CEMIP: variants seen among roughly 807,000 people sequenced by gnomAD.
CEMIP encodes cell migration inducing hyaluronidase 1, also known as cell migration-inducing and hyaluronan-binding protein.
A neutral mutation model predicts 156.9 loss-of-function variants in CEMIP; 105 were observed. That is an observed-to-expected ratio of 0.67 (90% CI 0.57 to 0.79). CEMIP has a LOEUF of 0.79. Ranked by LOEUF, CEMIP falls within the 30% of genes least tolerant of loss-of-function variation. CEMIP has a pLI of 0.00. For synonymous variants in CEMIP, 676 were observed against 668.4 expected (o/e 1.01, Z -0.17); for missense variants, 1,457 against 1,769.4 (o/e 0.82, Z 3.17).
intron 1 of CEMIP, among the ~76,000 whole-genome samples, chr15:80,800,388 G>C (rs1019976501): frequency 1.3e-5 from 2 of 152,170 alleles, no homozygotes; most frequent in African/African-American, 4.8e-5. Context: ...GGATCTGACA[G>C]AGTCAATGAC....
chr15:80,820,400 A>G (rs1896882974), intron 1 of CEMIP, among the ~76,000 whole-genome samples: 1 of 152,208 alleles, frequency 6.6e-6, no homozygotes, highest in Non-Finnish European at 1.5e-5. Flanking sequence ...TTATATTCAT[A>G]GATGCGTATG....
chr15:80,813,618 T>C (rs1458079097), intron 1 of CEMIP, among the ~76,000 whole-genome samples: 1 of 151,988 alleles, frequency 6.6e-6, no homozygotes, highest in South Asian at 2.1e-4. Context: ...AATGCTGGGA[T>C]TACAGGTGTG....
At chr15:80,872,137 GA>G (rs1412983142) in intron 1 of CEMIP, among the ~76,000 whole-genome samples, 95 of 152,328 alleles carry the variant, frequency 6.2e-4, no homozygotes, top group African/African-American at 2.2e-3. Flanking sequence ...ACTTTGAACC[GA>G]AAGGTCAGGG....
chr15:80,938,218 A>C (rs1439375050), intron 25 of CEMIP: 2 of 492,388 alleles, frequency 4.1e-6, no homozygotes, highest in East Asian at 3.7e-5. Context: ...GGGAATTTAC[A>C]TATTTCAGAA....
intron 1 of CEMIP, among the ~76,000 whole-genome samples, chr15:80,846,019 T>A (rs907122447): frequency 1.2e-4 from 18 of 152,082 alleles, no homozygotes; most frequent in Admixed American, 5.2e-4. Flanking sequence ...ACCCTCAACA[T>A]CACTTCCAGG....
chr15:80,906,712 G>A lies in CEMIP; in HGVS notation c.1461G>A (p.Met487Ile). The stretch of plus-strand genomic sequence containing the variant: ...GGGAGGAGATAGACGGCGTGGACAT[G>A]CGGGCGGAGGTTGGGCTTCTGAGCC... Reference protein sequence around the residue: ...HIGEEIDGVDMRAEVGLLSRN... With the variant: ...HIGEEIDGVDIRAEVGLLSRN... The change falls in exon 13 of 30, where the codon ATG becomes ATA. Residue 487 changes from methionine (M) to isoleucine (I), a missense_variant. Around this residue, in one of 5 missense-constraint regions of CEMIP, gnomAD observed 280 missense variants for 300.3 expected, o/e 0.93. Coordinates refer to ENST00000394685, the MANE Select transcript of CEMIP (RefSeq NM_001293298.2). This position sits in a 1 kb window ranked among gnomAD's most constrained non-coding sequence, Gnocchi z 4.3. 6.2e-7 allele frequency: 1 copy of A among 1,614,212 alleles called. No homozygotes were observed. The highest frequency in any genetic ancestry group is 8.5e-7 in the Non-Finnish European group (1 of 1,180,040).
At chr15:80,873,213 T>TA (rs1379018881) in intron 1 of CEMIP, among the ~76,000 whole-genome samples, 1 of 152,222 alleles carries the variant, frequency 6.6e-6, no homozygotes, top group African/African-American at 2.4e-5. Flanking sequence ...GGGATTCTGT[T>TA]ACCGAGGAAG....
chr15:80,810,803 ACCATCCAT>A (rs59025609), intron 1 of CEMIP, among the ~76,000 whole-genome samples: 22,527 of 149,304 alleles, frequency 0.15, 2,577 homozygotes, highest in African/African-American at 0.32. Context: ...TATCCATTCA[ACCATCCAT>A]CCATCCATCC....
At chr15:80,924,504 T>G in intron 17 of CEMIP, 117 bp from the exon 18 acceptor site, 4 of 859,364 alleles carry the variant, frequency 4.7e-6, no homozygotes, top group Non-Finnish European at 7.8e-6. Flanking sequence ...TGATGCAGCC[T>G]GAGAACAGAG....
At chr15:80,877,624 G>C (rs534967485) in intron 3 of CEMIP, among the ~76,000 whole-genome samples, 4 of 152,174 alleles carry the variant, frequency 2.6e-5, no homozygotes, top group Non-Finnish European at 5.9e-5. Context: ...GATGGAGATT[G>C]TTCCAGTTTC....
chr15:80,943,093 T>C lies in CEMIP; in HGVS notation c.3848T>C (p.Ile1283Thr), dbSNP rs748872397. Residue 1283 changes from isoleucine to threonine, a missense_variant, in exon 28 of 30, where the codon ATC (isoleucine) becomes ACC (threonine). Ile to Thr is a moderately conservative substitution (Grantham distance 89). Transcript: ENST00000394685. ...CAGCTTTTCAACTATGTGGCGACCA[T>C]CCCTGACAAGTGAGTCTGTACCTCT... ...PWQLFNYVAT[I>T]PDNSIVLMAS... The C allele has an allele frequency of 9.9e-6, 16 of 1,614,208 alleles. No individual in the cohort carries two copies. Among genetic ancestry groups the C allele is most frequent in the Non-Finnish European group, 1.4e-5 (16 of 1,180,030 alleles).
At chr15:80,783,724 G>A (rs908040115) in intron 1 of CEMIP, among the ~76,000 whole-genome samples, 3 of 152,170 alleles carry the variant, frequency 2.0e-5, no homozygotes, top group African/African-American at 7.2e-5. Flanking sequence ...ACTTTCTTCA[G>A]GGGCCATCTT....
chr15:80,815,593 CTCCT>C (rs1896773035), intron 1 of CEMIP, among the ~76,000 whole-genome samples: 1 of 150,688 alleles, frequency 6.6e-6, no homozygotes, highest in Non-Finnish European at 1.5e-5. Flanking sequence ...CCTTCCTTTC[CTCCT>C]TCCTTCCCTC....
intron 1 of CEMIP, among the ~76,000 whole-genome samples, chr15:80,825,865 C>T (rs984968508): frequency 6.6e-6 from 1 of 152,162 alleles, no homozygotes; most frequent in Non-Finnish European, 1.5e-5. Flanking sequence ...GTCCTCTGAC[C>T]ATCACAGACT....
chr15:80,806,445 G>GA (rs1190414484), intron 1 of CEMIP, among the ~76,000 whole-genome samples: 1 of 152,168 alleles, frequency 6.6e-6, no homozygotes, highest in Non-Finnish European at 1.5e-5. Context: ...GCTCATAGAA[G>GA]AAAAAGGTCT....
chr15:80,906,643 G>C lies in CEMIP; in HGVS notation c.1412-20G>C. 1 of 1,605,438 alleles carries C rather than the reference G, an allele frequency of 6.2e-7. No homozygotes were observed. Among genetic ancestry groups the C allele is most frequent in the African/African-American group, 1.3e-5 (1 of 74,902 alleles). On this transcript the variant is annotated intron_variant, in intron 12 of 29. Transcript: ENST00000394685. This position sits in a 1 kb window ranked among gnomAD's most constrained non-coding sequence, Gnocchi z 4.3. ...CATGCAGTACCTGCTGTTGTTTACC[G>C]TCCTCCCTTTCTGCCCTAGGGAAAC...
At chr15:80,814,307 C>T (rs1451661650) in intron 1 of CEMIP, among the ~76,000 whole-genome samples, 7 of 152,072 alleles carry the variant, frequency 4.6e-5, no homozygotes, top group Non-Finnish European at 4.4e-5. Flanking sequence ...CCTTGGCCTC[C>T]CAAAGTGCTA....
At chr15:80,915,317 G>A (rs1010973013) in intron 14 of CEMIP, among the ~76,000 whole-genome samples, 4 of 152,232 alleles carry the variant, frequency 2.6e-5, no homozygotes, top group African/African-American at 9.6e-5. Context: ...TATAAACTAA[G>A]TTCCTCCCAA....
At chr15:80,789,513 T>A (rs1896026856) in intron 1 of CEMIP, among the ~76,000 whole-genome samples, 1 of 152,152 alleles carries the variant, frequency 6.6e-6, no homozygotes, top group Non-Finnish European at 1.5e-5. Flanking sequence ...AGAAAGCAGT[T>A]GGAGGATTTT....
Sources: allele counts gnomAD v4.1 joint callset (sites outside exome capture counted in the v4.1 genomes callset), GRCh38; gene constraint gnomAD v4.1.1; regional missense constraint gnomAD v4.1.1; non-coding constraint Gnocchi (gnomAD v3.1); transcripts MANE v1.5; gene names NCBI Gene and HGNC (gene_info 2026-07-23, HGNC 2026-07-21).